The following SLC4A5 variants were observed in gnomAD, a reference collection of about 807,000 sequenced individuals.
The protein encoded by SLC4A5 is solute carrier family 4 member 5.
A neutral mutation model predicts 120.4 loss-of-function variants in SLC4A5; 96 were observed. The observed-to-expected ratio is 0.80, with a 90% CI of 0.68 to 0.94. The LOEUF is 0.94. SLC4A5 is among the 40% of genes least tolerant of loss of function. The pLI, the probability that SLC4A5 is intolerant of heterozygous loss-of-function variation, is 0.00. For synonymous variants in SLC4A5, 550 were observed against 571.1 expected (o/e 0.96, Z 0.53); for missense variants, 1,259 against 1,459.5 (o/e 0.86, Z 2.24).
chr2:74,319,432 GAAT>G (rs1673043086), intron 5 of SLC4A5: 1 of 152,012 alleles, frequency 6.6e-6, no homozygotes, highest in East Asian at 1.9e-4. Context: ...ACTAAAACTG[GAAT>G]AATAAAAGAT....
At chr2:74,304,421 C>A in intron 7 of SLC4A5, 68 bp downstream of exon 7, 5 of 1,456,422 alleles carry the variant, frequency 3.4e-6, no homozygotes, top group Non-Finnish European at 3.7e-6. Flanking sequence ...ATCCCCCCTG[C>A]CCTGCTGGGT....
rs2104002793 is a variant in SLC4A5, at chr2:74,254,775, C to T, written c.1026-69G>A. The T allele has an allele frequency of 1.1e-5, 13 of 1,163,890 alleles. No homozygotes were observed. The South Asian group carries it at 1.4e-4, about 12-fold the overall frequency. 72.1% of individuals were successfully genotyped at this position (1,163,890 alleles called of 1,614,324 possible). ...GGAGCATGAAAGTGAGAAGGAAAAA[C>T]AGAAGCAAGTGAAGAGAATTCTCTG... On this transcript the variant is annotated intron_variant, in intron 13 of 30. Transcript: ENST00000394019.
At chr2:74,336,444 G>C (rs968253975) in intron 3 of SLC4A5, among the ~76,000 whole-genome samples, 1 of 152,274 alleles carries the variant, frequency 6.6e-6, no homozygotes, top group South Asian at 2.1e-4. Flanking sequence ...CTTTGGGCAA[G>C]TTACAACTGT....
chr2:74,298,152 T>A (rs770918005), intron 7 of SLC4A5, among the ~76,000 whole-genome samples: 9 of 152,222 alleles, frequency 5.9e-5, no homozygotes, highest in Non-Finnish European at 1.2e-4. Flanking sequence ...ATTGAGAAGA[T>A]GTAATTCCAG....
intron 6 of SLC4A5, among the ~76,000 whole-genome samples, chr2:74,311,629 T>C (rs1672808026): frequency 1.3e-5 from 2 of 152,188 alleles, no homozygotes; most frequent in African/African-American, 4.8e-5. Context: ...CTTTCTGTTA[T>C]TGATTTTTAG....
At position 74,274,627 on chromosome 2, in the gene SLC4A5, G is replaced by A. The variant is rs148077736; in HGVS notation, c.402-9363C>T. ...ACAGGCCTCTTGGGGCACCCACCCC[G>A]GTCCAGGCTCAGAAATTTTATCTTT... is the stretch of plus-strand genomic sequence containing the variant. On this transcript the variant is annotated intron_variant, in intron 8 of 30. Coordinates refer to ENST00000394019, the Ensembl canonical transcript of SLC4A5. Among the ~76,000 whole-genome samples, 45 of 152,284 alleles carry A rather than the reference G, an allele frequency of 3.0e-4. 1 individual carries two copies. The Middle Eastern group carries it at 0.01, about 35-fold the overall frequency.
exon 11 of SLC4A5, chr2:74,262,204 A>C (rs761632147): frequency 2.6e-6 from 4 of 1,539,950 alleles, no homozygotes; most frequent in Non-Finnish European, 3.5e-6. Context: ...GACTCGGGCC[A>C]GCACCAGGGC....
intron 6 of SLC4A5, among the ~76,000 whole-genome samples, chr2:74,314,284 C>A (rs1468563402): frequency 6.6e-6 from 1 of 152,160 alleles, no homozygotes; most frequent in Non-Finnish European, 1.5e-5. Flanking sequence ...CCTCTCCTCT[C>A]ACGGTAAGTA....
intron 7 of SLC4A5, among the ~76,000 whole-genome samples, chr2:74,300,988 G>C (rs1424157845): frequency 1.3e-5 from 2 of 152,098 alleles, no homozygotes; most frequent in Non-Finnish European, 2.9e-5. Context: ...ATTTCTTTAG[G>C]ATAGTGTATT....
chr2:74,237,003 GTCTC>G (rs919839199), intron 21 of SLC4A5, among the ~76,000 whole-genome samples: 1 of 145,060 alleles, frequency 6.9e-6, no homozygotes, highest in Non-Finnish European at 1.5e-5. Flanking sequence ...TTGAGACAGA[GTCTC>G]TCTCTGTCGC....
At chr2:74,263,829 AC>A (rs1404942905) in intron 10 of SLC4A5, among the ~76,000 whole-genome samples, 1 of 152,070 alleles carries the variant, frequency 6.6e-6, no homozygotes, top group South Asian at 2.1e-4. Flanking sequence ...TCTAGGCCAT[AC>A]CCCAGAACAA....
At chr2:74,321,825 C>T (rs879853953) in intron 5 of SLC4A5, among the ~76,000 whole-genome samples, 6 of 151,716 alleles carry the variant, frequency 4.0e-5, no homozygotes, top group Admixed American at 6.6e-5. Flanking sequence ...GAGCTGGGAT[C>T]TATATAAACC....
At position 74,222,983 on chromosome 2, in the gene SLC4A5, A is replaced by G. The variant is rs764166148; in HGVS notation, c.3247-31T>C. ...GAAAAACAGTGGGAAAAGAGGATAA[A>G]CACCAACACAACAATTTGGCTTTCT... On this transcript the variant is annotated intron_variant, in intron 28 of 30. Coordinates refer to ENST00000394019, the Ensembl canonical transcript of SLC4A5. 4 of 1,469,170 alleles carry G rather than the reference A, an allele frequency of 2.7e-6. No homozygotes were observed. The Admixed American group carries it at 6.2e-5, about 23-fold the overall frequency. 91.0% of individuals were successfully genotyped at this position (1,469,170 alleles called of 1,614,324 possible).
At chr2:74,287,070 C>A (rs528114891) in intron 7 of SLC4A5, among the ~76,000 whole-genome samples, 1 of 152,174 alleles carries the variant, frequency 6.6e-6, no homozygotes, top group Admixed American at 6.5e-5. Flanking sequence ...CTGCCCTGCC[C>A]CGACGCAATC....
chr2:74,240,767 C>T (rs1670414915), intron 20 of SLC4A5, among the ~76,000 whole-genome samples: 1 of 110,154 alleles, frequency 9.1e-6, no homozygotes, highest in Non-Finnish European at 1.9e-5. Flanking sequence ...AAGACCCCAT[C>T]TCAAAAAAAA....
At chr2:74,233,778 A>C (rs1209537456) in intron 22 of SLC4A5, among the ~76,000 whole-genome samples, 1 of 152,198 alleles carries the variant, frequency 6.6e-6, no homozygotes, top group African/African-American at 2.4e-5. Flanking sequence ...AAAACTAAGA[A>C]GGTAATTTGC....
At chr2:74,222,844 A>G in intron 29 of SLC4A5, 24 bp downstream of exon 29, 4 of 1,570,664 alleles carry the variant, frequency 2.5e-6, no homozygotes, top group Non-Finnish European at 2.6e-6. Context: ...GTAAGAAGGG[A>G]GAGACATCAT....
intron 8 of SLC4A5, among the ~76,000 whole-genome samples, chr2:74,272,444 AC>A (rs1473853338): frequency 6.6e-6 from 1 of 152,226 alleles, no homozygotes; most frequent in East Asian, 1.9e-4. Context: ...GTAATCCCAA[AC>A]AACTCATTGC....
intron 9 of SLC4A5, 66 bp downstream of exon 9, chr2:74,265,038 G>C: frequency 6.5e-7 from 1 of 1,541,098 alleles, no homozygotes; most frequent in South Asian, 1.2e-5. Context: ...GCAGGCATGA[G>C]GTCAGGGGAG....
Sources: gnomAD v4.1 joint callset for allele counts (sites outside exome capture counted in the v4.1 genomes callset) on GRCh38, gnomAD v4.1.1 for gene constraint, MANE v1.5 for transcripts, NCBI Gene and HGNC (gene_info 2026-07-23, HGNC 2026-07-21) for gene names.